HOOK1: variants seen among roughly 807,000 people sequenced by gnomAD.
HOOK1 encodes the protein hook microtubule tethering protein 1.
HOOK1 carries 60 observed loss-of-function variants against 112.8 expected under a neutral mutation model. The ratio of observed to expected loss-of-function variants is 0.53; its 90% CI spans 0.43 to 0.66. HOOK1 has a LOEUF of 0.66. HOOK1 is among the 30% of genes least tolerant of loss of function. The pLI is 0.00. For missense variants in HOOK1, 770 were observed against 856.0 expected (o/e 0.90, Z 1.25); for synonymous variants, 294 against 283.8 (o/e 1.04, Z -0.36).
At chr1:59,862,368 T>C (rs1273375620) in intron 15 of HOOK1, among the ~76,000 whole-genome samples, 1 of 152,104 alleles carries the variant, frequency 6.6e-6, no homozygotes, top group Non-Finnish European at 1.5e-5. Flanking sequence ...AAAAAACTTG[T>C]GGAAATGATT....
intron 15 of HOOK1, 36 bp from the exon 16 acceptor site, chr1:59,862,748 A>T: frequency 1.6e-6 from 2 of 1,283,590 alleles, no homozygotes; most frequent in South Asian, 2.5e-5. Flanking sequence ...TTTGACTTTC[A>T]ATACAAGTAA....
At chr1:59,872,765 A>T in intron 21 of HOOK1, 30 bp from the exon 22 acceptor site, 1 of 1,365,520 alleles carries the variant, frequency 7.3e-7, no homozygotes, top group Non-Finnish European at 9.6e-7. Flanking sequence ...TAGTCATGTT[A>T]AATAAAAAAT....
At chr1:59,843,664 G>C in intron 9 of HOOK1, 66 bp downstream of exon 9, 1 of 1,250,244 alleles carries the variant, frequency 8.0e-7, no homozygotes, top group Non-Finnish European at 1.1e-6. Context: ...AAAAGTCACA[G>C]TATTAACAGC....
rs2098395327 is a variant in HOOK1, at chr1:59,833,297, A to G, written c.274-108A>G. 4 of 826,890 alleles carry G rather than the reference A, an allele frequency of 4.8e-6. No individual in the cohort carries two copies. In the African/African-American group the frequency reaches 7.0e-5, roughly 14 times the overall value. The allele number at this position is 826,890 out of a possible 1,614,324, so 51.2% of individuals were successfully genotyped here. A position where few individuals can be genotyped will look rare whatever the true frequency, so the allele number is the denominator to read the frequency against. ...TTATTTATTTGTCATTTGTTATTTTATCTGAGTTGTTTCGTGAATTTATAA... is the reference window on the plus strand; with the variant it reads ...TTATTTATTTGTCATTTGTTATTTTGTCTGAGTTGTTTCGTGAATTTATAA... On this transcript the variant is annotated intron_variant, in intron 4 of 21. Transcript: ENST00000371208.
chr1:59,833,300 T>C, intron 4 of HOOK1, 105 bp from the exon 5 acceptor site: 1 of 841,704 alleles, frequency 1.2e-6, no homozygotes, highest in Non-Finnish European at 1.7e-6. Flanking sequence ...TTATTTTATC[T>C]GAGTTGTTTC....
intron 19 of HOOK1, among the ~76,000 whole-genome samples, chr1:59,866,821 AAAT>A (rs537058972): frequency 2.4e-4 from 36 of 152,298 alleles, no homozygotes; most frequent in African/African-American, 7.7e-4. Context: ...CTACTATTGG[AAAT>A]AATCTGTATT....
intron 1 of HOOK1, among the ~76,000 whole-genome samples, chr1:59,819,138 A>ATTTTTT (rs60936378): frequency 1.3e-5 from 1 of 76,560 alleles, no homozygotes. Flanking sequence ...CCCAATAAGC[A>ATTTTTT]TTTTTTTTTT....
intron 19 of HOOK1, among the ~76,000 whole-genome samples, chr1:59,866,742 C>G (rs1643975125): frequency 6.6e-6 from 1 of 152,136 alleles, no homozygotes; most frequent in Non-Finnish European, 1.5e-5. Flanking sequence ...ACAGACTTTG[C>G]AAAAGTAAAA....
intron 15 of HOOK1, among the ~76,000 whole-genome samples, chr1:59,860,628 A>G (rs868127893): frequency 6.6e-6 from 1 of 151,976 alleles, no homozygotes; most frequent in South Asian, 2.1e-4. Context: ...TCTGTCGCCC[A>G]GGCTGGAGTA....
chr1:59,839,905 G>A (rs984726936), intron 7 of HOOK1, among the ~76,000 whole-genome samples: 1 of 152,166 alleles, frequency 6.6e-6, no homozygotes, highest in Non-Finnish European at 1.5e-5. Flanking sequence ...ATGAAAGGCT[G>A]TTGAATTTTG....
chr1:59,825,825 T>C (rs985872123), intron 2 of HOOK1, among the ~76,000 whole-genome samples: 1 of 152,176 alleles, frequency 6.6e-6, no homozygotes, highest in Non-Finnish European at 1.5e-5. Flanking sequence ...TAGATAGATG[T>C]CCATATAAGC....
At chr1:59,835,787 G>A (rs537214458) in intron 6 of HOOK1, among the ~76,000 whole-genome samples, 160 of 152,168 alleles carry the variant, frequency 1.1e-3, no homozygotes, top group African/African-American at 3.7e-3. Flanking sequence ...TTAGATTCAC[G>A]TAAGAAGCGT....
intron 2 of HOOK1, among the ~76,000 whole-genome samples, chr1:59,826,431 A>C (rs1442619804): frequency 6.6e-6 from 1 of 152,048 alleles, no homozygotes; most frequent in Non-Finnish European, 1.5e-5. Flanking sequence ...TAGTTGTTTG[A>C]GAAGGGTGAA....
In HOOK1 at chr1:59,835,454, C is replaced by G. The variant is rs778252246; in HGVS notation, c.474+42C>G. The G allele has an allele frequency of 3.7e-6, 4 of 1,086,782 alleles. No individual in the cohort carries two copies. The East Asian group carries it at 7.4e-5, about 20-fold the overall frequency. The allele number at this position is 1,086,782 out of a possible 1,614,324, so 67.3% of individuals were successfully genotyped here. A position where few individuals can be genotyped will look rare whatever the true frequency, so the allele number is the denominator to read the frequency against. On this transcript the variant is annotated intron_variant, in intron 6 of 21. Transcript: ENST00000371208. The stretch of plus-strand genomic sequence containing the variant: ...TCCTATGAGTATAAAAATCCTAAAC[C>G]AAATTATACAAAACTTTTCATACTT...
chr1:59,843,146 A>G (rs995267935), intron 8 of HOOK1, among the ~76,000 whole-genome samples: 1 of 151,710 alleles, frequency 6.6e-6, no homozygotes, highest in African/African-American at 2.4e-5. Context: ...AATTTTAGAG[A>G]CTTGAAAACA....
Position 59,872,799 on chromosome 1 carries a change from T to G in HOOK1, c.2021T>G (p.Leu674Arg). ...ATATATGTTTTTTTTTTTCAGAGTC[T>G]AGCATTCCAGAAACTGGGGATGGAA... The part of the protein sequence containing the change: ...LIVSAWYNKS[L>R]AFQKLGMESR... The change falls in exon 22 of 22, where the codon CTA (leucine) becomes CGA (arginine). Residue 674 changes from leucine to arginine, a missense_variant. This residue lies in a region of HOOK1 where 111 missense variants were observed against 111.8 expected (regional missense o/e 0.99). Transcript: ENST00000371208. 1 of 1,420,870 alleles carries G rather than the reference T, an allele frequency of 7.0e-7. No individual in the cohort carries two copies. The highest frequency in any genetic ancestry group is 9.3e-7 in the Non-Finnish European group (1 of 1,074,626). 88.0% of individuals were successfully genotyped at this position (1,420,870 alleles called of 1,614,324 possible).
chr1:59,852,040 T>G (rs1482842940), intron 12 of HOOK1, among the ~76,000 whole-genome samples: 2 of 151,728 alleles, frequency 1.3e-5, no homozygotes, highest in Non-Finnish European at 3.0e-5. Context: ...ATATATACTT[T>G]AAAAAGTATA....
chr1:59,834,462 A>G (rs1192771447), intron 5 of HOOK1, among the ~76,000 whole-genome samples: 1 of 152,132 alleles, frequency 6.6e-6, no homozygotes, highest in Non-Finnish European at 1.5e-5. Context: ...CATCTCTACT[A>G]TTTACTAGAA....
intron 1 of HOOK1, among the ~76,000 whole-genome samples, chr1:59,821,005 G>A (rs1386725587): frequency 2.0e-5 from 3 of 152,196 alleles, no homozygotes; most frequent in Non-Finnish European, 4.4e-5. Context: ...ATTATGGCGG[G>A]AGAGAATTTT....
Sources: gnomAD v4.1 joint callset for allele counts (sites outside exome capture counted in the v4.1 genomes callset) on GRCh38, gnomAD v4.1.1 for gene constraint, gnomAD v4.1.1 regional missense constraint, MANE v1.5 for transcripts, NCBI Gene and HGNC (gene_info 2026-07-23, HGNC 2026-07-21) for gene names.